AUH: variants seen among roughly 807,000 people sequenced by gnomAD.
AUH encodes the protein methylglutaconyl-CoA hydratase, mitochondrial.
In AUH, 29 loss-of-function variants were observed where a neutral mutation model predicts 42.3. That is an observed-to-expected ratio of 0.69 (90% CI 0.51 to 0.93). AUH has a LOEUF of 0.93. Among genes scored for constraint, AUH ranks in the 40% least tolerant of loss-of-function variants. The pLI is 0.00. For synonymous variants in AUH, 174 were observed against 166.4 expected, an observed-to-expected ratio of 1.05 and a Z score of -0.35; for missense variants, 452 against 438.1, an observed-to-expected ratio of 1.03 and a Z score of -0.28.
intron 3 of AUH, among the ~76,000 whole-genome samples, chr9:91,350,363 C>T (rs1369469785): frequency 6.6e-6 from 1 of 152,186 alleles, no homozygotes; most frequent in African/African-American, 2.4e-5. Context: ...TTCAGCTAAG[C>T]CACCACCTTT....
chr9:91,235,130 G>C (rs1828104679), intron 6 of AUH, among the ~76,000 whole-genome samples: 1 of 152,026 alleles, frequency 6.6e-6, no homozygotes, highest in Non-Finnish European at 1.5e-5. Context: ...GGCACTGGAG[G>C]ATTTTGAGCA....
At chr9:91,275,041 TTAAG>T in intron 6 of AUH, among the ~76,000 whole-genome samples, 1 of 152,258 alleles carries the variant, frequency 6.6e-6, no homozygotes, top group South Asian at 2.1e-4. Flanking sequence ...CTAAAACACA[TTAAG>T]TTACAGTAAC....
intron 7 of AUH, chr9:91,218,578 T>C (rs1032614997): frequency 9.2e-6 from 9 of 977,524 alleles, no homozygotes; most frequent in African/African-American, 1.7e-5. Context: ...AGGCTGCTGG[T>C]CCACAGACCA....
chr9:91,319,673 G>A (rs1225247986), intron 4 of AUH, among the ~76,000 whole-genome samples: 1 of 152,160 alleles, frequency 6.6e-6, no homozygotes, highest in Non-Finnish European at 1.5e-5. Flanking sequence ...AAGTGGGAAG[G>A]TGCCTCAAGT....
chr9:91,283,114 A>G (rs915414430), intron 6 of AUH, among the ~76,000 whole-genome samples: 4 of 151,948 alleles, frequency 2.6e-5, no homozygotes, highest in Admixed American at 1.3e-4. Context: ...CTTATCCACC[A>G]TGATCAAGTG....
At chr9:91,262,228 G>A (rs369041405) in intron 6 of AUH, among the ~76,000 whole-genome samples, 4 of 152,050 alleles carry the variant, frequency 2.6e-5, no homozygotes, top group Non-Finnish European at 5.9e-5. Context: ...TCCATTACTC[G>A]CCAACCTTAA....
chr9:91,322,196 T>C (rs1371983874), intron 4 of AUH, among the ~76,000 whole-genome samples: 1 of 151,964 alleles, frequency 6.6e-6, no homozygotes, highest in African/African-American at 2.4e-5. Flanking sequence ...GAAAATGACA[T>C]TGCAAAGACA....
intron 6 of AUH, among the ~76,000 whole-genome samples, chr9:91,223,582 T>C (rs879714946): frequency 3.3e-5 from 5 of 152,242 alleles, no homozygotes; most frequent in Non-Finnish European, 7.3e-5. Context: ...GCTTTCAATA[T>C]ATACAGCGTG....
intron 3 of AUH, among the ~76,000 whole-genome samples, chr9:91,332,449 C>G (rs1830399390): frequency 6.6e-6 from 1 of 152,136 alleles, no homozygotes; most frequent in African/African-American, 2.4e-5. Context: ...TTGCAGTGAG[C>G]CAAAATCGCA....
At chr9:91,224,725 TAACTTTTAG>T (rs2131242580) in intron 6 of AUH, among the ~76,000 whole-genome samples, 1 of 152,344 alleles carries the variant, frequency 6.6e-6, no homozygotes, top group East Asian at 1.9e-4. Flanking sequence ...ACTGAAATTT[TAACTTTTAG>T]AACATTTGTT....
chr9:91,309,503 G>A (rs77818375), intron 4 of AUH, among the ~76,000 whole-genome samples: 6,023 of 152,138 alleles, frequency 0.04, 372 homozygotes, highest in African/African-American at 0.13. Flanking sequence ...ATGAAACCAC[G>A]TCTTTTGCTG....
chr9:91,261,613 T>G (rs1392878858), intron 6 of AUH, among the ~76,000 whole-genome samples: 3 of 152,216 alleles, frequency 2.0e-5, no homozygotes, highest in Non-Finnish European at 4.4e-5. Context: ...TGTAGCTACT[T>G]CCTATCCTGT....
At chr9:91,334,099 G>T (rs944923535) in intron 3 of AUH, among the ~76,000 whole-genome samples, 3 of 152,090 alleles carry the variant, frequency 2.0e-5, no homozygotes, top group Admixed American at 6.6e-5. Context: ...CCCCAGCCAG[G>T]GGATCTCTGT....
chr9:91,226,868 G>A (rs1200452961), intron 6 of AUH, among the ~76,000 whole-genome samples: 2 of 118,508 alleles, frequency 1.7e-5, no homozygotes, highest in African/African-American at 6.4e-5. Context: ...TTGTAGATAT[G>A]CGGCGTTATT....
chr9:91,223,035 A>G (rs191099693), intron 6 of AUH, among the ~76,000 whole-genome samples: 98 of 152,330 alleles, frequency 6.4e-4, no homozygotes, highest in African/African-American at 2.2e-3. Context: ...GGTAACTAAC[A>G]CTAGGAAAAA....
At chr9:91,219,075 C>G in intron 7 of AUH, 21 of 967,656 alleles carry the variant, frequency 2.2e-5, no homozygotes, top group Non-Finnish European at 2.5e-5. Context: ...CAATGGGATG[C>G]GGCTCGACAC....
At chr9:91,229,764 C>G (rs1294631299) in intron 6 of AUH, among the ~76,000 whole-genome samples, 1 of 150,930 alleles carries the variant, frequency 6.6e-6, no homozygotes, top group Non-Finnish European at 1.5e-5. Flanking sequence ...GTGACAAAAT[C>G]TCTCAGCATT....
At chr9:91,286,000 T>C (rs150382027) in intron 6 of AUH, among the ~76,000 whole-genome samples, 1 of 152,242 alleles carries the variant, frequency 6.6e-6, no homozygotes, top group Non-Finnish European at 1.5e-5. Context: ...AATCGTTTTG[T>C]TATGCTTTTT....
At chr9:91,253,347 T>C (rs760882813) in intron 6 of AUH, among the ~76,000 whole-genome samples, 9 of 152,186 alleles carry the variant, frequency 5.9e-5, no homozygotes, top group Non-Finnish European at 1.0e-4. Flanking sequence ...TATCAGAAAA[T>C]CATGACTTAC....
Sources: allele counts gnomAD v4.1 joint callset (sites outside exome capture counted in the v4.1 genomes callset), GRCh38; gene constraint gnomAD v4.1.1; transcripts MANE v1.5; gene names NCBI Gene and HGNC (gene_info 2026-07-23, HGNC 2026-07-21).